Variants in CAGE1 observed in about 807,000 individuals in gnomAD.
CAGE1 encodes cancer-associated gene 1 protein.
A neutral mutation model predicts 94.9 loss-of-function variants in CAGE1; 66 were observed. The ratio of observed to expected loss-of-function variants is 0.70; its 90% CI spans 0.57 to 0.85. CAGE1 has a LOEUF of 0.85. CAGE1 is among the 40% of genes least tolerant of loss of function. CAGE1 has a pLI of 0.00. For synonymous variants in CAGE1, 319 were observed against 321.0 expected, an observed-to-expected ratio of 0.99 and a Z score of 0.07; for missense variants, 865 against 950.4, an observed-to-expected ratio of 0.91 and a Z score of 1.18.
Position 7,362,571 on chromosome 6 carries a change from A to G in CAGE1, c.2193+2897T>C, listed in dbSNP as rs1760198853. Among the ~76,000 whole-genome samples the G allele has an allele frequency of 6.6e-6, 1 of 152,188 alleles. No homozygotes were observed. The highest frequency in any genetic ancestry group is 2.4e-5 in the African/African-American group (1 of 41,450). ...GCAGATGGCAGGGTCAGAACTGTGA[A>G]GAGGAGCCAACGGCAAGGGGTCAGA... On this transcript the variant is annotated intron_variant, in intron 9 of 13. Transcript: ENST00000502583. This position sits in a 1 kb window ranked among gnomAD's most constrained non-coding sequence, Gnocchi z 4.1.
Position 7,338,968 on chromosome 6 carries a change from T to C in CAGE1, c.2370-4878A>G, listed in dbSNP as rs894560556. ...CTCACGTGGTCAGGCAGGGGCTTCT[T>C]AGGGCCAATCTTACCAGTTGGGTCC... On this transcript the variant is annotated intron_variant, in intron 11 of 13. Coordinates refer to ENST00000502583, the MANE Select transcript of CAGE1 (RefSeq NM_001170692.2). The C allele has an allele frequency of 3.7e-6, 6 of 1,610,000 alleles. No homozygotes were observed. The African/African-American group carries it at 4.0e-5, about 11-fold the overall frequency.
At chr6:7,347,419 G>A (rs1242427042) in intron 11 of CAGE1, 2 of 150,988 alleles carry the variant, frequency 1.3e-5, no homozygotes, top group Non-Finnish European at 2.9e-5. Flanking sequence ...AGGGGTAGAG[G>A]AAGCAGCGGG....
intron 12 of CAGE1, among the ~76,000 whole-genome samples, chr6:7,331,841 C>A (rs2764097): frequency 1.3e-5 from 2 of 152,134 alleles, no homozygotes; most frequent in East Asian, 3.9e-4. Context: ...AAATGGTATG[C>A]TGAACAAACA....
At chr6:7,358,605 C>T (rs1016796172) in intron 9 of CAGE1, among the ~76,000 whole-genome samples, 11 of 152,004 alleles carry the variant, frequency 7.2e-5, no homozygotes, top group African/African-American at 2.7e-4. Context: ...CTTTGGGAGA[C>T]GGAGGCGGGA....
chr6:7,386,835 A>G (rs1761138147), intron 2 of CAGE1, 144 bp downstream of exon 2: 3 of 640,484 alleles, frequency 4.7e-6, no homozygotes, highest in Non-Finnish European at 7.9e-6. Context: ...GAAACTGGGA[A>G]AACCAGACCC....
chr6:7,348,177 C>A (rs896934567), intron 11 of CAGE1, among the ~76,000 whole-genome samples: 1 of 152,124 alleles, frequency 6.6e-6, no homozygotes, highest in Non-Finnish European at 1.5e-5. Context: ...TCCATTTCAC[C>A]CCCCTGCCAC....
At chr6:7,388,202 A>C (rs1032622817) in intron 1 of CAGE1, among the ~76,000 whole-genome samples, 10 of 152,216 alleles carry the variant, frequency 6.6e-5, no homozygotes, top group Non-Finnish European at 1.3e-4. Context: ...TTGTCCTTCC[A>C]GGCCATCCAT....
At chr6:7,368,074 A>G (rs1317498642) in intron 7 of CAGE1, among the ~76,000 whole-genome samples, 1 of 152,032 alleles carries the variant, frequency 6.6e-6, no homozygotes, top group Non-Finnish European at 1.5e-5. Flanking sequence ...CAACATGGTG[A>G]AGCCCCGTCT....
intron 7 of CAGE1, among the ~76,000 whole-genome samples, chr6:7,366,653 C>G (rs747876953): frequency 6.6e-6 from 1 of 152,154 alleles, no homozygotes; most frequent in Non-Finnish European, 1.5e-5. Flanking sequence ...GCTGGGGGAA[C>G]GAAATGCATC....
intron 11 of CAGE1, among the ~76,000 whole-genome samples, chr6:7,335,076 G>C (rs6929729): frequency 0.016 from 2,459 of 152,282 alleles, 63 homozygotes; most frequent in African/African-American, 0.055. Flanking sequence ...TCCTGAGGGG[G>C]CTTGGCCCCA....
chr6:7,339,270 G>A lies in CAGE1; in HGVS notation c.2370-5180C>T. 2 of 1,585,946 alleles carry A rather than the reference G, an allele frequency of 1.3e-6. No homozygotes were observed. Among genetic ancestry groups the A allele is most frequent in the South Asian group, 2.2e-5 (2 of 90,462 alleles). On this transcript the variant is annotated intron_variant, in intron 11 of 13. Transcript: ENST00000502583. This position sits in a 1 kb window ranked among gnomAD's most constrained non-coding sequence, Gnocchi z 4.7. ...TTTGTAAGGCAGAGACTCTGCCTGG[G>A]CAATGGCACACAGACCCCTAGTGGC...
chr6:7,361,775 A>G (rs903702539), intron 9 of CAGE1, among the ~76,000 whole-genome samples: 2 of 152,228 alleles, frequency 1.3e-5, no homozygotes, highest in Admixed American at 6.5e-5. Context: ...GTAAAATGCC[A>G]GGATGCTTGA....
At chr6:7,341,214 G>T in intron 11 of CAGE1, 1 of 662,700 alleles carries the variant, frequency 1.5e-6, no homozygotes, top group Non-Finnish European at 2.7e-6. Flanking sequence ...GCTTGTGCTA[G>T]GTGATGCCAG....
Position 7,356,084 on chromosome 6 carries a change from T to G in CAGE1, c.2239A>C (p.Asn747His), listed in dbSNP as rs1759945747. ...TTGTCATTTTCTTCAATGAGTCTGT[T>G]GCAGTGGTTTTCTTTTGACTCTAGG... ...HLLESKENHCNRLIEENDKYQ... is the reference protein window; with the variant it reads ...HLLESKENHCHRLIEENDKYQ... Residue 747 changes from asparagine (N) to histidine (H), a missense_variant, in exon 10 of 14, where the codon AAC becomes CAC. Physicochemically the swap from Asn to His is moderately conservative, Grantham distance 68. Transcript: ENST00000502583. The G allele has an allele frequency of 1.3e-6, 2 of 1,550,890 alleles. No homozygotes were observed. The highest frequency in any genetic ancestry group is 1.4e-5 in the African/African-American group (1 of 73,048).
chr6:7,366,614 C>T (rs1236322960), intron 7 of CAGE1, among the ~76,000 whole-genome samples: 1 of 152,172 alleles, frequency 6.6e-6, no homozygotes, highest in East Asian at 1.9e-4. Context: ...TGGTAGATGA[C>T]ACTTCCACAC....
At chr6:7,367,979 A>G (rs1028673946) in intron 7 of CAGE1, among the ~76,000 whole-genome samples, 1 of 152,190 alleles carries the variant, frequency 6.6e-6, no homozygotes, top group African/African-American at 2.4e-5. Context: ...TCACGCCCGT[A>G]ATCCCAACAC....
In CAGE1 at chr6:7,361,922, A is replaced by G. The variant is rs74368600; in HGVS notation, c.2193+3546T>C. ...TAGTCTCTTCCTTAGGAGGCTGGTCAGTGGCAGAGAGGCCGGCAAACTATA... is the reference window on the plus strand; with the variant it reads ...TAGTCTCTTCCTTAGGAGGCTGGTCGGTGGCAGAGAGGCCGGCAAACTATA... On this transcript the variant is annotated intron_variant, in intron 9 of 13. Transcript: ENST00000502583. 2.6e-3 allele frequency among the ~76,000 whole-genome samples: 401 copies of G among 152,358 alleles called. 4 individuals are homozygous for G. Among genetic ancestry groups the G allele is most frequent in the African/African-American group, 9.2e-3 (381 of 41,584 alleles).
intron 11 of CAGE1, among the ~76,000 whole-genome samples, chr6:7,354,035 C>A (rs773528787): frequency 2.6e-5 from 4 of 151,682 alleles, no homozygotes; most frequent in Non-Finnish European, 2.9e-5. Context: ...TCACAAATCA[C>A]CACTAAGGAA....
chr6:7,340,992 C>T (rs150731757), intron 11 of CAGE1: 13 of 443,406 alleles, frequency 2.9e-5, no homozygotes, highest in Middle Eastern at 4.1e-4. Flanking sequence ...GTCCAGGAAG[C>T]GGAGAGAGGA....
Sources: gnomAD v4.1 joint callset for allele counts (sites outside exome capture counted in the v4.1 genomes callset) on GRCh38, gnomAD v4.1.1 for gene constraint, Gnocchi (gnomAD v3.1) non-coding constraint, MANE v1.5 for transcripts, NCBI Gene and HGNC (gene_info 2026-07-23, HGNC 2026-07-21) for gene names.